SYNE2: variants seen among roughly 807,000 people sequenced by gnomAD.
SYNE2 encodes nesprin-2.
A neutral mutation model predicts 856.3 loss-of-function variants in SYNE2; 431 were observed. The observed-to-expected ratio is 0.50, with a 90% CI of 0.47 to 0.55. The LOEUF (loss-of-function observed/expected upper bound fraction) is 0.55, where lower values mean the gene tolerates loss of function less well. Among genes scored for constraint, SYNE2 ranks in the 20% least tolerant of loss-of-function variants. The pLI is 0.00. For missense variants in SYNE2, 8,129 were observed against 8,023.2 expected, an observed-to-expected ratio of 1.01 and a Z score of -0.50; for synonymous variants, 2,923 against 2,872.3, an observed-to-expected ratio of 1.02 and a Z score of -0.56.
chr14:63,820,023 TA>T lies in SYNE2; in HGVS notation c.-304-32476del, dbSNP rs1447430693. Among the ~76,000 whole-genome samples, 3 of 152,178 alleles carry T rather than the reference TA, an allele frequency of 2.0e-5. No homozygotes were observed. In the East Asian group the frequency reaches 5.8e-4, roughly 29 times the overall value. On this transcript the variant is annotated intron_variant, in intron 1 of 23. Transcript: ENST00000674003. ...ATAGAAGGAATTAAAAGTCTTTTTT[TA>T]ATTTATTTTTTCATTGTAAAATCAT... is the stretch of plus-strand genomic sequence containing the variant.
At chr14:63,876,212 A>G (rs992089563) in intron 1 of SYNE2, among the ~76,000 whole-genome samples, 12 of 150,250 alleles carry the variant, frequency 8.0e-5, no homozygotes, top group African/African-American at 2.9e-4. Context: ...AAGGGGTTTG[A>G]GACCAGCCTG....
In SYNE2 at chr14:64,070,810, C is replaced by T; in HGVS notation, c.10597C>T (p.Gln3533Ter). 1 of 1,614,176 alleles carries T rather than the reference C, an allele frequency of 6.2e-7. No individual in the cohort carries two copies. The highest frequency in any genetic ancestry group is 8.5e-7 in the Non-Finnish European group (1 of 1,180,018). ...ACAGCTGTTACTGACTCTACTTCTT[C>T]AGCGCATCAGAAGTATCCAGAATGT... ...KQQLLLTLLLQRIRSIQNVPE... is the reference protein window; with the variant it reads ...KQQLLLTLLL The change falls in exon 52 of 116, where the codon CAG (glutamine) becomes TAG (stop). Residue 3533 changes from glutamine to a stop codon, truncating the protein, a stop_gained. Coordinates refer to ENST00000555002, the MANE Select transcript of SYNE2 (RefSeq NM_182914.3). LOFTEE classifies it high-confidence loss of function.
intron 89 of SYNE2, among the ~76,000 whole-genome samples, chr14:64,165,028 C>T (rs1236342360): frequency 6.6e-6 from 1 of 152,032 alleles, no homozygotes; most frequent in Non-Finnish European, 1.5e-5. Context: ...GCTGGGACCA[C>T]AGGCTCACAC....
At chr14:63,817,077 TC>T (rs1889021541) in intron 1 of SYNE2, among the ~76,000 whole-genome samples, 1 of 152,204 alleles carries the variant, frequency 6.6e-6, no homozygotes, top group African/African-American at 2.4e-5. Context: ...TCCTGCCTTT[TC>T]TTTCTGCCCT....
intron 65 of SYNE2, among the ~76,000 whole-genome samples, chr14:64,111,217 C>T (rs894793564): frequency 4.0e-5 from 6 of 150,960 alleles, no homozygotes; most frequent in Non-Finnish European, 8.8e-5. Context: ...AAAAAATGTG[C>T]GTGGCATATA....
chr14:64,166,474 A>G (rs1447210567), intron 90 of SYNE2, among the ~76,000 whole-genome samples: 2 of 152,220 alleles, frequency 1.3e-5, no homozygotes, highest in Admixed American at 6.5e-5. Context: ...TGAAATTTTG[A>G]TAAGTTTGCT....
At chr14:64,007,247 T>C (rs1283536509) in intron 31 of SYNE2, 25 bp downstream of exon 31, 1 of 1,610,264 alleles carries the variant, frequency 6.2e-7, no homozygotes, top group Non-Finnish European at 8.5e-7. Context: ...GAATCCCTCT[T>C]GAATCTGAAA....
At position 64,148,835 on chromosome 14, in the gene SYNE2, G is replaced by A. The variant is rs376235411; in HGVS notation, c.15639+2612G>A. Among the ~76,000 whole-genome samples the A allele has an allele frequency of 1.7e-4, 26 of 152,276 alleles. 1 individual carries two copies. The highest frequency in any genetic ancestry group is 3.4e-3 in the Middle Eastern group (1 of 294). On this transcript the variant is annotated intron_variant, in intron 84 of 115. Transcript: ENST00000555002. Reference sequence around the variant, plus strand: ...CCACGGGTCTGTCGTCTACCAGATTGTGGGATTCTCAAGGCAGGCTGGCAC... The same window carrying A: ...CCACGGGTCTGTCGTCTACCAGATTATGGGATTCTCAAGGCAGGCTGGCAC...
At position 64,225,381 on chromosome 14, in the gene SYNE2, C is replaced by G; in HGVS notation, c.20579C>G (p.Pro6860Arg). The G allele has an allele frequency of 6.2e-7, 1 of 1,614,122 alleles. No individual in the cohort carries two copies. Among genetic ancestry groups the G allele is most frequent in the African/African-American group, 1.3e-5 (1 of 75,034 alleles). The change falls in exon 116 of 116, where the codon CCC becomes CGC. Residue 6860 changes from proline to arginine, a missense_variant. Pro to Arg is a moderately radical substitution (Grantham distance 103). Around this residue, in one of 3 missense-constraint regions of SYNE2, gnomAD observed 5,410 missense variants for 5,284.8 expected, o/e 1.02. Coordinates refer to ENST00000555002, the MANE Select transcript of SYNE2 (RefSeq NM_182914.3). ...FLSRVVRAAL[P>R]LQLLLLLLLL... ...TCAAGGGTGGTCCGGGCAGCCCTACCCCTGCAGCTGCTCCTCCTGCTGCTG... is the reference window on the plus strand; with the variant it reads ...TCAAGGGTGGTCCGGGCAGCCCTACGCCTGCAGCTGCTCCTCCTGCTGCTG...
chr14:63,776,759 C>T (rs1021066969), intron 1 of SYNE2, among the ~76,000 whole-genome samples: 3 of 151,962 alleles, frequency 2.0e-5, no homozygotes, highest in African/African-American at 7.2e-5. Flanking sequence ...GCCACCACCA[C>T]CCAGCTAATT....
At chr14:63,963,433 A>C (rs1455879550) in intron 9 of SYNE2, among the ~76,000 whole-genome samples, 1 of 152,254 alleles carries the variant, frequency 6.6e-6, no homozygotes, top group Non-Finnish European at 1.5e-5. Flanking sequence ...CTAAGCAAGA[A>C]TCTACGGAAA....
chr14:63,799,160 C>A (rs1016486353), intron 1 of SYNE2, among the ~76,000 whole-genome samples: 1 of 152,128 alleles, frequency 6.6e-6, no homozygotes, highest in Non-Finnish European at 1.5e-5. Context: ...CTCACTGCAA[C>A]CTCCACCTCC....
intron 65 of SYNE2, among the ~76,000 whole-genome samples, chr14:64,110,588 ACCCC>A (rs11315645): frequency 1.3e-4 from 10 of 75,382 alleles, no homozygotes; most frequent in Non-Finnish European, 1.2e-4. Context: ...TACTTTTTAC[ACCCC>A]CCCCCCCCCG....
chr14:63,942,527 C>T (rs1383865253), intron 6 of SYNE2, among the ~76,000 whole-genome samples: 1 of 151,042 alleles, frequency 6.6e-6, no homozygotes, highest in African/African-American at 2.4e-5. Flanking sequence ...TGGAGTTTTG[C>T]TCTCGTTGCC....
intron 8 of SYNE2, among the ~76,000 whole-genome samples, chr14:63,959,102 T>C (rs1194762849): frequency 2.0e-5 from 3 of 152,096 alleles, no homozygotes; most frequent in South Asian, 2.1e-4. Context: ...GCTCTTTTTA[T>C]TGGAGAATGG....
At chr14:64,031,931 G>A (rs548599326) in intron 45 of SYNE2, among the ~76,000 whole-genome samples, 18 of 152,274 alleles carry the variant, frequency 1.2e-4, no homozygotes, top group Admixed American at 7.8e-4. Context: ...CTTAAAGTGC[G>A]TTTTCATAGG....
chr14:63,840,419 C>T (rs867115408), intron 1 of SYNE2, among the ~76,000 whole-genome samples: 8 of 78,608 alleles, frequency 1.0e-4, no homozygotes, highest in South Asian at 1.4e-3. Context: ...TCCTTCCTTC[C>T]TTCCTTCCTT....
intron 70 of SYNE2, among the ~76,000 whole-genome samples, chr14:64,123,571 A>G (rs1190799968): frequency 6.6e-6 from 1 of 152,098 alleles, no homozygotes; most frequent in Non-Finnish European, 1.5e-5. Flanking sequence ...GGAGAACTCC[A>G]CTCATTATTA....
At position 64,215,369 on chromosome 14, in the gene SYNE2, A is replaced by G; in HGVS notation, c.19402+15A>G. 3.1e-6 allele frequency: 5 copies of G among 1,613,728 alleles called. No individual in the cohort carries two copies. Among genetic ancestry groups the G allele is most frequent in the Non-Finnish European group, 4.2e-6 (5 of 1,179,738 alleles). On this transcript the variant is annotated intron_variant, in intron 107 of 115. Coordinates refer to ENST00000555002, the MANE Select transcript of SYNE2 (RefSeq NM_182914.3). ...AGCGTCTTCTGGTAGGCCCCCGCCC[A>G]TGCATGTGTCAACATGGCAGCATCC...
Sources: gnomAD v4.1 joint callset for allele counts (sites outside exome capture counted in the v4.1 genomes callset) on GRCh38, gnomAD v4.1.1 for gene constraint, gnomAD v4.1.1 regional missense constraint, MANE v1.5 for transcripts, NCBI Gene and HGNC (gene_info 2026-07-23, HGNC 2026-07-21) for gene names.